Variants in PTPRT observed in about 807,000 individuals in gnomAD.
PTPRT encodes receptor-type tyrosine-protein phosphatase T.
Under a neutral mutation model 176.8 loss-of-function variants are expected in PTPRT, and 56 were observed. The observed-to-expected ratio is 0.32, with a 90% confidence interval of 0.26 to 0.40. The LOEUF (loss-of-function observed/expected upper bound fraction) is 0.40, where lower values mean the gene tolerates loss of function less well. Among genes scored for constraint, PTPRT ranks in the 10% least tolerant of loss-of-function variants. The pLI is 1.00. For missense variants in PTPRT, 1,540 were observed against 1,908.2 expected (o/e 0.81, Z 3.60); for synonymous variants, 783 against 739.0 (o/e 1.06, Z -0.96).
intron 17 of PTPRT, among the ~76,000 whole-genome samples, chr20:42,151,077 C>T (rs1044884494): frequency 2.0e-5 from 3 of 151,948 alleles, no homozygotes; most frequent in Non-Finnish European, 4.4e-5. Context: ...CCTTTTTGGT[C>T]CACTTGTAGA....
chr20:42,689,649 C>T (rs1301634024), intron 6 of PTPRT, among the ~76,000 whole-genome samples: 1 of 152,172 alleles, frequency 6.6e-6, no homozygotes, highest in Non-Finnish European at 1.5e-5. Flanking sequence ...TGTATAGACT[C>T]TGAAGCTGTG....
chr20:42,700,196 C>T (rs1324950667), intron 6 of PTPRT, among the ~76,000 whole-genome samples: 2 of 152,144 alleles, frequency 1.3e-5, no homozygotes, highest in African/African-American at 2.4e-5. Context: ...GAAACACAAA[C>T]CTCATTTCGA....
intron 11 of PTPRT, 68 bp downstream of exon 11, chr20:42,350,560 A>G: frequency 7.8e-7 from 1 of 1,281,358 alleles, no homozygotes; most frequent in Non-Finnish European, 1.1e-6. Flanking sequence ...CAGTCACATG[A>G]TTCAACTGGA....
intron 1 of PTPRT, among the ~76,000 whole-genome samples, chr20:43,058,510 G>A (rs1306178582): frequency 6.6e-6 from 1 of 152,182 alleles, no homozygotes; most frequent in Non-Finnish European, 1.5e-5. Flanking sequence ...TTGAACAAAT[G>A]GATTCCAAAT....
chr20:42,495,879 G>A (rs2071644547), intron 7 of PTPRT, among the ~76,000 whole-genome samples: 1 of 152,090 alleles, frequency 6.6e-6, no homozygotes, highest in African/African-American at 2.4e-5. Flanking sequence ...GCAAGGGTTA[G>A]AGGTGCCAAC....
intron 7 of PTPRT, among the ~76,000 whole-genome samples, chr20:42,486,185 A>G (rs1393113855): frequency 6.6e-6 from 1 of 152,234 alleles, no homozygotes; most frequent in African/African-American, 2.4e-5. Context: ...ACACTTGGCC[A>G]TGACATTGTG....
At chr20:42,258,030 C>G (rs994626382) in intron 13 of PTPRT, among the ~76,000 whole-genome samples, 1 of 152,126 alleles carries the variant, frequency 6.6e-6, no homozygotes, top group Non-Finnish European at 1.5e-5. Context: ...TGTCACCTCT[C>G]TAATAAATAG....
At chr20:42,855,016 A>G (rs1164394230) in intron 2 of PTPRT, among the ~76,000 whole-genome samples, 1 of 152,134 alleles carries the variant, frequency 6.6e-6, no homozygotes. Flanking sequence ...ACTAGGGGAG[A>G]CCTGGCAGCA....
intron 7 of PTPRT, among the ~76,000 whole-genome samples, chr20:42,495,627 G>C (rs147181966): frequency 6.6e-6 from 1 of 152,148 alleles, no homozygotes; most frequent in Non-Finnish European, 1.5e-5. Context: ...GAGTCTCAGC[G>C]CTCCCTTGAG....
intron 6 of PTPRT, among the ~76,000 whole-genome samples, chr20:42,717,899 A>T (rs895655348): frequency 1.3e-5 from 2 of 151,928 alleles, no homozygotes; most frequent in African/African-American, 4.8e-5. Context: ...ATGCGCGTGC[A>T]CACGCGCATA....
intron 7 of PTPRT, among the ~76,000 whole-genome samples, chr20:42,645,289 GAA>G (rs2074864909): frequency 6.6e-6 from 1 of 152,178 alleles, no homozygotes; most frequent in Non-Finnish European, 1.5e-5. Context: ...GGGTCGTGTG[GAA>G]GAGTTAGGAA....
chr20:42,068,514 A>C (rs559354708), downstream of PTPRT, among the ~76,000 whole-genome samples: 1 of 152,182 alleles, frequency 6.6e-6, no homozygotes, highest in East Asian at 1.9e-4. Context: ...CTGCCCATAC[A>C]AGTTTTTCTT....
chr20:42,793,069 T>C (rs755259633), intron 2 of PTPRT, among the ~76,000 whole-genome samples: 3 of 152,016 alleles, frequency 2.0e-5, no homozygotes, highest in Admixed American at 6.6e-5. Context: ...ACAGTTGTCT[T>C]ACTGGGATGA....
At chr20:42,889,416 C>T (rs1000412884) in intron 1 of PTPRT, among the ~76,000 whole-genome samples, 1 of 152,228 alleles carries the variant, frequency 6.6e-6, no homozygotes, top group Admixed American at 6.5e-5. Flanking sequence ...AAGCAGCTTT[C>T]CACTCTATCT....
At chr20:42,839,441 C>G (rs2078239647) in intron 2 of PTPRT, among the ~76,000 whole-genome samples, 1 of 151,900 alleles carries the variant, frequency 6.6e-6, no homozygotes, top group Non-Finnish European at 1.5e-5. Context: ...GCTTTTTGAG[C>G]CAGCATGATA....
At chr20:42,604,744 T>C (rs1421837336) in intron 7 of PTPRT, among the ~76,000 whole-genome samples, 2 of 152,166 alleles carry the variant, frequency 1.3e-5, no homozygotes, top group East Asian at 3.9e-4. Flanking sequence ...TGAGGCCCAG[T>C]GATGTTCTAT....
At chr20:42,540,605 A>T (rs2072562249) in intron 7 of PTPRT, among the ~76,000 whole-genome samples, 1 of 152,162 alleles carries the variant, frequency 6.6e-6, no homozygotes, top group Admixed American at 6.6e-5. Context: ...TAACTGAAGC[A>T]TCTGAATATC....
chr20:42,671,581 C>G (rs957413599), intron 7 of PTPRT, among the ~76,000 whole-genome samples: 1 of 152,104 alleles, frequency 6.6e-6, no homozygotes, highest in East Asian at 1.9e-4. Flanking sequence ...CTTCAAGATG[C>G]CAATTAGTTC....
At chr20:42,224,053 C>T (rs1014047488) in intron 15 of PTPRT, among the ~76,000 whole-genome samples, 1 of 152,198 alleles carries the variant, frequency 6.6e-6, no homozygotes, top group South Asian at 2.1e-4. Flanking sequence ...AATTCCCACC[C>T]TCTTAGAATG....
Sources: allele counts gnomAD v4.1 joint callset (sites outside exome capture counted in the v4.1 genomes callset), GRCh38; gene constraint gnomAD v4.1.1; transcripts MANE v1.5; gene names NCBI Gene and HGNC (gene_info 2026-07-23, HGNC 2026-07-21).